The following ANKS1B variants were observed in gnomAD, a reference collection of about 807,000 sequenced individuals.
ANKS1B encodes the protein ankyrin repeat and sterile alpha motif domain-containing protein 1B.
ANKS1B carries 36 observed loss-of-function variants against 148.3 expected under a neutral mutation model. The ratio of observed to expected loss-of-function variants is 0.24; its 90% CI spans 0.19 to 0.32. ANKS1B has a LOEUF of 0.32. Ranked by LOEUF, ANKS1B falls within the 10% of genes least tolerant of loss-of-function variation. The pLI, the probability that ANKS1B is intolerant of heterozygous loss-of-function variation, is 1.00. For missense variants in ANKS1B, 1,157 were observed against 1,542.6 expected (o/e 0.75, Z 4.19); for synonymous variants, 542 against 560.8 (o/e 0.97, Z 0.47).
intron 24 of ANKS1B, among the ~76,000 whole-genome samples, chr12:98,777,421 C>T (rs1479669860): frequency 6.6e-6 from 1 of 152,148 alleles, no homozygotes; most frequent in Non-Finnish European, 1.5e-5. Context: ...GGAGTCAGCA[C>T]AGGAAGGCAA....
chr12:99,641,507 C>G (rs2098305317), intron 9 of ANKS1B, among the ~76,000 whole-genome samples: 1 of 152,030 alleles, frequency 6.6e-6, no homozygotes, highest in South Asian at 2.1e-4. Flanking sequence ...CTATGCCACA[C>G]ATATAACAAA....
intron 9 of ANKS1B, among the ~76,000 whole-genome samples, chr12:99,581,198 A>G (rs1269462011): frequency 6.6e-6 from 1 of 152,220 alleles, no homozygotes; most frequent in Admixed American, 6.5e-5. Flanking sequence ...GGGTTTTGAC[A>G]TAAGAATAGG....
chr12:98,788,872 T>C (rs2098821821), intron 22 of ANKS1B, among the ~76,000 whole-genome samples: 1 of 152,256 alleles, frequency 6.6e-6, no homozygotes, highest in East Asian at 1.9e-4. Context: ...TGTTCTCCAC[T>C]TGACAAGTGA....
At chr12:99,368,353 G>T (rs1328358163) in intron 12 of ANKS1B, among the ~76,000 whole-genome samples, 2 of 151,594 alleles carry the variant, frequency 1.3e-5, no homozygotes, top group African/African-American at 2.4e-5. Flanking sequence ...TAACAAACCT[G>T]CACATGTACC....
At chr12:99,552,480 A>T (rs988190236) in intron 9 of ANKS1B, among the ~76,000 whole-genome samples, 1 of 152,206 alleles carries the variant, frequency 6.6e-6, no homozygotes, top group Non-Finnish European at 1.5e-5. Flanking sequence ...ACAGTGTCTG[A>T]CACATAAAAC....
At chr12:99,230,463 G>A (rs538219674) in intron 14 of ANKS1B, among the ~76,000 whole-genome samples, 2 of 152,150 alleles carry the variant, frequency 1.3e-5, no homozygotes, top group East Asian at 3.9e-4. Context: ...TTGTTGAATT[G>A]AAAACTGTAC....
chr12:99,399,483 A>C (rs2094344953), intron 12 of ANKS1B, 148 bp downstream of exon 12: 1 of 753,140 alleles, frequency 1.3e-6, no homozygotes, highest in Admixed American at 3.0e-5. Context: ...AGCCACACTG[A>C]CAAGAATCTT....
intron 16 of ANKS1B, among the ~76,000 whole-genome samples, chr12:99,066,449 A>G (rs999747934): frequency 2.6e-5 from 4 of 152,230 alleles, no homozygotes; most frequent in African/African-American, 9.6e-5. Context: ...AGAAATAACA[A>G]GGAGACCAAT....
Position 98,832,022 on chromosome 12 carries a change from C to A in ANKS1B, c.2886+7G>T. The stretch of plus-strand genomic sequence containing the variant: ...CAGAGAACCAGATGAATGTGCTTGG[C>A]ACTTACCCTGAGGGTGATGGACCGA... On this transcript the variant is annotated splice_region_variant and intron_variant, in intron 18 of 26. Transcript: ENST00000683438. 3 of 1,578,124 alleles carry A rather than the reference C, an allele frequency of 1.9e-6. No individual in the cohort carries two copies. The highest frequency in any genetic ancestry group is 2.6e-6 in the Non-Finnish European group (3 of 1,160,894).
rs796444541 is a variant in ANKS1B at position 99,109,053 on chromosome 12, C to T, written c.2527-24030G>A. Among the ~76,000 whole-genome samples the T allele has an allele frequency of 2.0e-5, 3 of 152,116 alleles. No individual in the cohort carries two copies. The East Asian group carries it at 5.8e-4, about 29-fold the overall frequency. Reference sequence around the variant, plus strand: ...AAAGCTTAAATGTGAACTGATGGTCCATCTTCAGCTTCTTTCTCTTCTCGC... The same window carrying T: ...AAAGCTTAAATGTGAACTGATGGTCTATCTTCAGCTTCTTTCTCTTCTCGC... On this transcript the variant is annotated intron_variant, in intron 15 of 26. Coordinates refer to ENST00000683438, the MANE Select transcript of ANKS1B (RefSeq NM_001352186.2).
intron 17 of ANKS1B, among the ~76,000 whole-genome samples, chr12:98,866,118 A>G (rs979518804): frequency 6.6e-6 from 1 of 152,108 alleles, no homozygotes; most frequent in African/African-American, 2.4e-5. Flanking sequence ...ATTTCAATAT[A>G]TAAATTCTGG....
chr12:99,836,618 A>G (rs1412811205), intron 1 of ANKS1B, among the ~76,000 whole-genome samples: 1 of 152,340 alleles, frequency 6.6e-6, no homozygotes, highest in Non-Finnish European at 1.5e-5. Flanking sequence ...ATGGAATTTT[A>G]GAATATGAAA....
At position 99,961,328 on chromosome 12, in the gene ANKS1B, A is replaced by C. The variant is rs561138554; in HGVS notation, c.134+22776T>G. On this transcript the variant is annotated intron_variant, in intron 1 of 26. Transcript: ENST00000683438. ...GGAAGTGGGAAAGGTAAGGTGAAGA[A>C]AGACTTCTGGTTTGAGTGTATTCTC... is the stretch of plus-strand genomic sequence containing the variant. Among the ~76,000 whole-genome samples, 21 of 152,308 alleles carry C rather than the reference A, an allele frequency of 1.4e-4. No individual in the cohort carries two copies. The South Asian group carries it at 4.4e-3, about 32-fold the overall frequency.
chr12:99,289,654 T>C (rs886816589), intron 12 of ANKS1B, among the ~76,000 whole-genome samples: 6 of 151,928 alleles, frequency 3.9e-5, no homozygotes, highest in African/African-American at 1.4e-4. Context: ...AATTAAACAA[T>C]ATGCTTCTGA....
intron 8 of ANKS1B, among the ~76,000 whole-genome samples, chr12:99,704,293 T>C (rs955997043): frequency 6.6e-6 from 1 of 152,000 alleles, no homozygotes; most frequent in Admixed American, 6.6e-5. Flanking sequence ...TCCCCCTGCA[T>C]AGTTTCTGAG....
chr12:99,258,991 A>T (rs994852806), intron 12 of ANKS1B, among the ~76,000 whole-genome samples: 2 of 152,204 alleles, frequency 1.3e-5, no homozygotes, highest in African/African-American at 4.8e-5. Flanking sequence ...TAATCCTCAC[A>T]AAAGTCTCTG....
At chr12:98,798,122 CA>C (rs1259646607) in intron 22 of ANKS1B, among the ~76,000 whole-genome samples, 4 of 124,456 alleles carry the variant, frequency 3.2e-5, no homozygotes, top group African/African-American at 5.4e-5. Flanking sequence ...TTGGAATTGC[CA>C]TTTTTTTTTT....
chr12:98,903,764 T>C (rs2099775309), intron 17 of ANKS1B, among the ~76,000 whole-genome samples: 2 of 152,352 alleles, frequency 1.3e-5, no homozygotes, highest in South Asian at 2.1e-4. Context: ...AACTTAAGTA[T>C]AATTTATCTC....
intron 17 of ANKS1B, among the ~76,000 whole-genome samples, chr12:98,860,781 T>G (rs760987418): frequency 6.6e-6 from 1 of 152,130 alleles, no homozygotes; most frequent in African/African-American, 2.4e-5. Context: ...GCTTAATAAC[T>G]AGGTGACAGG....
Sources: allele counts gnomAD v4.1 joint callset (sites outside exome capture counted in the v4.1 genomes callset), GRCh38; gene constraint gnomAD v4.1.1; transcripts MANE v1.5; gene names NCBI Gene and HGNC (gene_info 2026-07-23, HGNC 2026-07-21).